Variants in MAML1 observed in about 807,000 individuals in gnomAD.
MAML1 encodes mastermind-like protein 1.
MAML1 carries 14 observed loss-of-function variants against 77.1 expected under a neutral mutation model. The observed-to-expected ratio is 0.18, with a 90% CI of 0.12 to 0.28. The LOEUF (loss-of-function observed/expected upper bound fraction) is 0.28, where lower values mean the gene tolerates loss of function less well. Among genes scored for constraint, MAML1 ranks in the 10% least tolerant of loss-of-function variants. MAML1 has a pLI of 1.00. For missense variants in MAML1, 1,217 were observed against 1,327.8 expected (o/e 0.92, Z 1.30); for synonymous variants, 516 against 551.9 (o/e 0.93, Z 0.91).
Position 179,769,170 on chromosome 5 carries a change from T to C in MAML1, c.1971+81T>C. On this transcript the variant is annotated intron_variant, in intron 3 of 4. Transcript: ENST00000292599. The surrounding 1 kb of genome is among the most constrained non-coding windows in gnomAD (Gnocchi z 4.2). ...TCACTGCTACAGTCACACCTTCTGCTTGTGCGTGTGGATTTGCGCAGACTT... is the reference window on the plus strand; with the variant it reads ...TCACTGCTACAGTCACACCTTCTGCCTGTGCGTGTGGATTTGCGCAGACTT... The C allele has an allele frequency of 1.3e-6, 2 of 1,569,728 alleles. No homozygotes were observed. The highest frequency in any genetic ancestry group is 1.7e-6 in the Non-Finnish European group (2 of 1,154,626).
Position 179,765,812 on chromosome 5 carries a change from A to G in MAML1, c.802A>G (p.Lys268Glu). 1.2e-6 allele frequency: 2 copies of G among 1,614,230 alleles called. No homozygotes were observed. The highest frequency in any genetic ancestry group is 1.7e-6 in the Non-Finnish European group (2 of 1,180,050). Residue 268 changes from lysine (K) to glutamate (E), a missense_variant, in exon 2 of 5, where the codon AAG becomes GAG. Lys to Glu is a moderately conservative substitution (Grantham distance 56). Coordinates refer to ENST00000292599, the MANE Select transcript of MAML1 (RefSeq NM_014757.5). The part of the protein sequence containing the change: ...LNRSVPDEDM[K>E]DLFNEDFEEK... The stretch of plus-strand genomic sequence containing the variant: ...CAGGTCGGTGCCCGATGAAGACATG[A>G]AGGACCTGTTTAATGAGGACTTCGA...
chr5:179,768,847 C>T lies in MAML1; in HGVS notation c.1732-3C>T, dbSNP rs1403985522. On this transcript the variant is annotated splice_region_variant and splice_polypyrimidine_tract_variant and intron_variant, in intron 2 of 4. Transcript: ENST00000292599. ...CTTCACAGTCCCCTATCTGTGTTGA[C>T]AGGAGCAGAACCCTTCCAGTGTCCC... 2 of 1,614,136 alleles carry T rather than the reference C, an allele frequency of 1.2e-6. No individual in the cohort carries two copies. The highest frequency in any genetic ancestry group is 2.2e-5 in the South Asian group (2 of 91,080).
chr5:179,754,728 G>C (rs1779578247), intron 1 of MAML1, among the ~76,000 whole-genome samples: 1 of 152,208 alleles, frequency 6.6e-6, no homozygotes, highest in African/African-American at 2.4e-5. Context: ...TAGAGTTTCT[G>C]ACTCAGTGAG....
rs1779812699 is a variant in MAML1 at position 179,766,097 on chromosome 5, C to A, written c.1087C>A (p.Leu363Met). The stretch of plus-strand genomic sequence containing the variant: ...CCGGGCGGACAATCCCAGTCCAAAC[C>A]TGATGCCGGCATCAGCCCAGGCCCA... ...QPRADNPSPNLMPASAQAQNA... is the reference protein window; with the variant it reads ...QPRADNPSPNMMPASAQAQNA... The change falls in exon 2 of 5, where the codon CTG (leucine) becomes ATG (methionine). Residue 363 changes from leucine to methionine, a missense_variant. This residue lies in a region of MAML1 where 884 missense variants were observed against 949.3 expected (regional missense o/e 0.93). Transcript: ENST00000292599. The surrounding 1 kb of genome is among the most constrained non-coding windows in gnomAD (Gnocchi z 4.0). 1.3e-6 allele frequency: 2 copies of A among 1,581,222 alleles called. No homozygotes were observed.
intron 1 of MAML1, among the ~76,000 whole-genome samples, chr5:179,756,780 C>T (rs1053751102): frequency 1.3e-5 from 2 of 151,892 alleles, no homozygotes; most frequent in East Asian, 3.9e-4. Context: ...CTAACATGGG[C>T]GTAGTATGGA....
At chr5:179,740,365 G>A (rs572832727) in intron 1 of MAML1, among the ~76,000 whole-genome samples, 25 of 152,242 alleles carry the variant, frequency 1.6e-4, no homozygotes, top group Admixed American at 1.4e-3. Flanking sequence ...CCGCCTCCCG[G>A]GTTCACGCCA....
Position 179,754,463 on chromosome 5 carries a change from G to A in MAML1, c.316-10863G>A, listed in dbSNP as rs574810842. 9.2e-5 allele frequency among the ~76,000 whole-genome samples: 14 copies of A among 152,046 alleles called. No individual in the cohort carries two copies. The South Asian group carries it at 2.1e-3, about 23-fold the overall frequency. On this transcript the variant is annotated intron_variant, in intron 1 of 4. Transcript: ENST00000292599. Reference sequence around the variant, plus strand: ...TAAAAAATTAGCTGAGTATGGTGGCGCATGCCTGTAGTGCTAGCTACTGGG... The same window carrying A: ...TAAAAAATTAGCTGAGTATGGTGGCACATGCCTGTAGTGCTAGCTACTGGG...
chr5:179,742,179 C>T (rs72809787), intron 1 of MAML1, among the ~76,000 whole-genome samples: 5,570 of 147,158 alleles, frequency 0.038, 127 homozygotes, highest in African/African-American at 0.054. Context: ...GGCCAACAAA[C>T]TTAATTTGCT....
chr5:179,753,651 ATTATTTT>A (rs1413863876), intron 1 of MAML1, among the ~76,000 whole-genome samples: 523 of 66,344 alleles, frequency 7.9e-3, no homozygotes, highest in Non-Finnish European at 0.011. Context: ...TATTATTATT[ATTATTTT>A]TTTTTTTTTT....
Position 179,771,166 on chromosome 5 carries a change from G to T in MAML1, c.1991G>T (p.Arg664Leu), listed in dbSNP as rs375963318. The T allele has an allele frequency of 6.2e-7, 1 of 1,613,980 alleles. No homozygotes were observed. Among genetic ancestry groups the T allele is most frequent in the African/African-American group, 1.3e-5 (1 of 74,998 alleles). ...TTCTAGGAGAAGCAACAGTTTCAGC[G>T]CCATCTGACCCGCCCACCACCCCAG... ...LAEQEKQQFQRHLTRPPPQYQ... is the reference protein window; with the variant it reads ...LAEQEKQQFQLHLTRPPPQYQ... The change falls in exon 4 of 5, where the codon CGC becomes CTC. Residue 664 changes from arginine to leucine, a missense_variant. By Grantham distance (102) the Arg-to-Leu change is moderately radical. Transcript: ENST00000292599. The surrounding 1 kb of genome is among the most constrained non-coding windows in gnomAD (Gnocchi z 4.7).
intron 4 of MAML1, 74 bp from the exon 5 acceptor site, chr5:179,773,821 G>A (rs1756058846): frequency 4.6e-6 from 7 of 1,533,064 alleles, no homozygotes; most frequent in Middle Eastern, 1.9e-4. Context: ...GAGACTTCTG[G>A]TGCTGCGGCT....
chr5:179,775,892 C>T lies in MAML1; in HGVS notation c.*1015C>T. ...AGGGAAAGGAAGAGTCTTAGAATTC[C>T]TAAGGGAACCTTAGCATAAAGGTTT... On this transcript the variant is annotated 3_prime_UTR_variant, in exon 5 of 5. Coordinates refer to ENST00000292599, the MANE Select transcript of MAML1 (RefSeq NM_014757.5). 1 of 985,580 alleles carries T rather than the reference C, an allele frequency of 1.0e-6. No individual in the cohort carries two copies. The highest frequency in any genetic ancestry group is 1.2e-6 in the Non-Finnish European group (1 of 829,934). 61.1% of individuals were successfully genotyped at this position (985,580 alleles called of 1,614,324 possible).
At chr5:179,770,440 C>G (rs1352147135) in intron 3 of MAML1, among the ~76,000 whole-genome samples, 1 of 151,790 alleles carries the variant, frequency 6.6e-6, no homozygotes, top group Non-Finnish European at 1.5e-5. Flanking sequence ...GAGCAAGACT[C>G]CATCTCAAAA....
intron 1 of MAML1, among the ~76,000 whole-genome samples, chr5:179,752,351 AT>A (rs1377069229): frequency 7.0e-5 from 2 of 28,692 alleles, no homozygotes; most frequent in Admixed American, 3.4e-4. Context: ...AAAAAAAAAA[AT>A]ATATATATAT....
At chr5:179,743,467 C>T (rs1288870467) in intron 1 of MAML1, among the ~76,000 whole-genome samples, 1 of 148,110 alleles carries the variant, frequency 6.8e-6, no homozygotes, top group South Asian at 2.2e-4. Context: ...CCCAGGTTCA[C>T]GCCATTCTTC....
intron 1 of MAML1, among the ~76,000 whole-genome samples, chr5:179,753,437 T>C (rs1285721255): frequency 1.3e-5 from 2 of 152,126 alleles, no homozygotes; most frequent in African/African-American, 4.8e-5. Context: ...AACTCCCAGA[T>C]CCATTTGGAC....
Position 179,765,444 on chromosome 5 carries a change from C to T in MAML1, c.434C>T (p.Pro145Leu), listed in dbSNP as rs768228572. The change falls in exon 2 of 5, where the codon CCT (proline) becomes CTT (leucine). Residue 145 changes from proline (P) to leucine (L), a missense_variant. By Grantham distance (98) the Pro-to-Leu change is moderately conservative (BLOSUM62 -3). This residue lies in a region of MAML1 where 312 missense variants were observed against 331.4 expected (regional missense o/e 0.94). Coordinates refer to ENST00000292599, the MANE Select transcript of MAML1 (RefSeq NM_014757.5). ...CATAAGAAGACTCGCCGGGAGGCCC[C>T]TCTGGGAGTTGCCATCTCTTCCAAT... ...PGHKKTRREA[P>L]LGVAISSNGL... The T allele has an allele frequency of 6.2e-7, 1 of 1,614,238 alleles. No homozygotes were observed. The highest frequency in any genetic ancestry group is 1.3e-5 in the African/African-American group (1 of 75,066).
At chr5:179,742,632 G>A (rs758435663) in intron 1 of MAML1, among the ~76,000 whole-genome samples, 14 of 151,988 alleles carry the variant, frequency 9.2e-5, no homozygotes, top group Non-Finnish European at 1.9e-4. Context: ...GTGAAACCCT[G>A]TCCCTACTAA....
In MAML1 at chr5:179,775,149, T is replaced by A; in HGVS notation, c.*272T>A. 3.4e-6 allele frequency: 4 copies of A among 1,162,374 alleles called. No homozygotes were observed. Among genetic ancestry groups the A allele is most frequent in the Non-Finnish European group, 4.2e-6 (4 of 941,786 alleles). The allele number at this position is 1,162,374 out of a possible 1,614,324, so 72.0% of individuals were successfully genotyped here. ...ATAGGGTTCTAAAGGTGGTTTTCTATCCAAACGACCAAAAAACCAACAGTA... is the reference window on the plus strand; with the variant it reads ...ATAGGGTTCTAAAGGTGGTTTTCTAACCAAACGACCAAAAAACCAACAGTA... On this transcript the variant is annotated 3_prime_UTR_variant, in exon 5 of 5. Transcript: ENST00000292599.
Sources: gnomAD v4.1 joint callset for allele counts (sites outside exome capture counted in the v4.1 genomes callset) on GRCh38, gnomAD v4.1.1 for gene constraint, gnomAD v4.1.1 regional missense constraint, Gnocchi (gnomAD v3.1) non-coding constraint, MANE v1.5 for transcripts, NCBI Gene and HGNC (gene_info 2026-07-23, HGNC 2026-07-21) for gene names.